Variants in CIBAR2 observed in about 807,000 individuals in gnomAD.
CIBAR2 encodes the protein CBY1-interacting BAR domain-containing protein 2.
CIBAR2 carries 38 observed loss-of-function variants against 36.2 expected under a neutral mutation model. That is an observed-to-expected ratio of 1.05 (90% CI 0.81 to 1.38). CIBAR2 has a LOEUF of 1.38. Ranked by LOEUF, CIBAR2 falls within the 40% of genes most tolerant of loss-of-function variation. The pLI, the probability that CIBAR2 is intolerant of heterozygous loss-of-function variation, is 0.00. For missense variants in CIBAR2, 481 were observed against 383.4 expected (o/e 1.25, Z -2.13); for synonymous variants, 182 against 149.5 (o/e 1.22, Z -1.58).
chr16:85,105,248 A>T, intron 6 of CIBAR2, 79 bp downstream of exon 6: 1 of 839,714 alleles, frequency 1.2e-6, no homozygotes, highest in Non-Finnish European at 2.0e-6. Context: ...AAGCATGCAC[A>T]CAGACACGTG....
intron 6 of CIBAR2, among the ~76,000 whole-genome samples, chr16:85,104,130 G>C (rs1174950413): frequency 1.3e-5 from 2 of 152,246 alleles, no homozygotes; most frequent in African/African-American, 2.4e-5. Context: ...GTATAAACAA[G>C]GGGCCTGACC....
rs1474207360 is a variant in CIBAR2, at chr16:85,098,926, C to G, written c.*259G>C. 1 of 353,164 alleles carries G rather than the reference C, an allele frequency of 2.8e-6. No individual in the cohort carries two copies. Among genetic ancestry groups the G allele is most frequent in the East Asian group, 7.1e-5 (1 of 14,150 alleles). 21.9% of individuals were successfully genotyped at this position (353,164 alleles called of 1,614,324 possible). On this transcript the variant is annotated 3_prime_UTR_variant, in exon 9 of 9. Transcript: ENST00000539556. ...ACCGCCGGGAGCAGTGGGCTCGGAC[C>G]AAGAAATAGATAGCATAAAGAAAAA...
chr16:85,105,566 T>G (rs1336236980), intron 5 of CIBAR2, 135 bp from the exon 6 acceptor site: 1 of 658,166 alleles, frequency 1.5e-6, no homozygotes, highest in Non-Finnish European at 2.6e-6. Flanking sequence ...TCTTGCTAAT[T>G]GGGTCATCAA....
At chr16:85,103,261 C>T (rs1314057122) in intron 6 of CIBAR2, among the ~76,000 whole-genome samples, 1 of 152,166 alleles carries the variant, frequency 6.6e-6, no homozygotes, top group Non-Finnish European at 1.5e-5. Flanking sequence ...CCATGGGGAA[C>T]AGGCCCTCCT....
At chr16:85,106,406 G>A (rs2073996193) in intron 5 of CIBAR2, among the ~76,000 whole-genome samples, 1 of 152,206 alleles carries the variant, frequency 6.6e-6, no homozygotes, top group Admixed American at 6.5e-5. Context: ...TAGGGTAGCA[G>A]GTGGAATGAA....
Position 85,100,076 on chromosome 16 carries a change from C to T in CIBAR2, c.753+63G>A, listed in dbSNP as rs2073943070. 16 of 1,300,716 alleles carry T rather than the reference C, an allele frequency of 1.2e-5. No individual in the cohort carries two copies. In the South Asian group the frequency reaches 1.9e-4, roughly 15 times the overall value. The allele number at this position is 1,300,716 out of a possible 1,614,324, so 80.6% of individuals were successfully genotyped here. A position where few individuals can be genotyped will look rare whatever the true frequency, so the allele number is the denominator to read the frequency against. Reference sequence around the variant, plus strand: ...CTCCTCTAATCCCTGGGGTTACTACCACGGGCCTTCCAGGCCGTGCACGAC... The same window carrying T: ...CTCCTCTAATCCCTGGGGTTACTACTACGGGCCTTCCAGGCCGTGCACGAC... On this transcript the variant is annotated intron_variant, in intron 8 of 8. Transcript: ENST00000539556.
chr16:85,104,244 G>A (rs34060650), intron 6 of CIBAR2, among the ~76,000 whole-genome samples: 4 of 152,146 alleles, frequency 2.6e-5, no homozygotes, highest in African/African-American at 4.8e-5. Flanking sequence ...AAAGGCCTCG[G>A]GTAGGAATGG....
Position 85,099,328 on chromosome 16 carries a change from G to C in CIBAR2, c.772C>G (p.Leu258Val), listed in dbSNP as rs1368355176. ...LASQGTLQVQ[L>V]SRANEDPEHP... Reference sequence around the variant, plus strand: ...TCAGGGTCTTCATTTGCCCTACTCAGCTGGACCTGCAGAGTTCCCTGCAGA... The same window carrying C: ...TCAGGGTCTTCATTTGCCCTACTCACCTGGACCTGCAGAGTTCCCTGCAGA... The change falls in exon 9 of 9, where the codon CTG becomes GTG. Residue 258 changes from leucine to valine, a missense_variant. Coordinates refer to ENST00000539556, the MANE Select transcript of CIBAR2 (RefSeq NM_198491.3). The C allele has an allele frequency of 6.3e-7, 1 of 1,587,228 alleles. No homozygotes were observed. Among genetic ancestry groups the C allele is most frequent in the East Asian group, 2.2e-5 (1 of 44,760 alleles).
In CIBAR2 at chr16:85,100,198, T is replaced by A. The variant is rs1185046932; in HGVS notation, c.694A>T (p.Thr232Ser). The change falls in exon 8 of 9, where the codon ACT becomes TCT. Residue 232 changes from threonine to serine, a missense_variant. By Grantham distance (58) the Thr-to-Ser change is moderately conservative. Coordinates refer to ENST00000539556, the MANE Select transcript of CIBAR2 (RefSeq NM_198491.3). The part of the protein sequence containing the change: ...KMQGVYGHYD[T>S]RLLANTSPPP... ...GGGCTGGTGTTGGCAAGCAGCCGAGTGTCATAATGCCCATAAACTCCTTGC... is the reference window on the plus strand; with the variant it reads ...GGGCTGGTGTTGGCAAGCAGCCGAGAGTCATAATGCCCATAAACTCCTTGC... 1 of 1,611,324 alleles carries A rather than the reference T, an allele frequency of 6.2e-7. No homozygotes were observed. Among genetic ancestry groups the A allele is most frequent in the Non-Finnish European group, 8.5e-7 (1 of 1,179,122 alleles).
chr16:85,110,155 C>G, intron 2 of CIBAR2, 71 bp downstream of exon 2: 2 of 1,226,232 alleles, frequency 1.6e-6, no homozygotes, highest in African/African-American at 3.0e-5. Flanking sequence ...CTCCTGCAGC[C>G]CTCAGGCCTG....
intron 1 of CIBAR2, among the ~76,000 whole-genome samples, chr16:85,112,012 A>G (rs2074046537): frequency 6.6e-6 from 1 of 152,000 alleles, no homozygotes; most frequent in Non-Finnish European, 1.5e-5. Context: ...CAGAAGGGGG[A>G]GGCCTGGTTG....
intron 7 of CIBAR2, 26 bp from the exon 8 acceptor site, chr16:85,100,266 G>C (rs3764278): frequency 0.19 from 293,681 of 1,508,022 alleles, 39,349 homozygotes; most frequent in African/African-American, 0.67. Flanking sequence ...CAGGGTGGGT[G>C]GGATCCGATG....
chr16:85,107,074 A>T (rs967922254), intron 5 of CIBAR2, among the ~76,000 whole-genome samples: 16 of 151,730 alleles, frequency 1.1e-4, no homozygotes, highest in Admixed American at 1.3e-4. Context: ...TGAACCCTGG[A>T]GGCGGAGGTT....
Position 85,108,099 on chromosome 16 carries a change from C to G in CIBAR2, c.256G>C (p.Val86Leu). Residue 86 changes from valine to leucine, a missense_variant and splice_region_variant, in exon 3 of 9, where the codon GTC becomes CTC. Physicochemically the swap from Val to Leu is conservative, Grantham distance 32. Coordinates refer to ENST00000539556, the MANE Select transcript of CIBAR2 (RefSeq NM_198491.3). ...ACCACCTTGGTCTCCAGCCTCTCGACCTGGGGGAGCGGGGACACCAGGGGA... is the reference window on the plus strand; with the variant it reads ...ACCACCTTGGTCTCCAGCCTCTCGAGCTGGGGGAGCGGGGACACCAGGGGA... Reference protein sequence around the residue: ...AKVQDYRQAQVERLETKVVNP... With the variant: ...AKVQDYRQAQLERLETKVVNP... The G allele has an allele frequency of 6.2e-7, 1 of 1,609,020 alleles. No individual in the cohort carries two copies. Among genetic ancestry groups the G allele is most frequent in the East Asian group, 2.2e-5 (1 of 44,818 alleles).
At chr16:85,107,546 C>G in intron 5 of CIBAR2, 121 bp downstream of exon 5, 1 of 1,127,368 alleles carries the variant, frequency 8.9e-7, no homozygotes, top group East Asian at 2.3e-5. Flanking sequence ...CTTTCCCAAC[C>G]TGAGCGCAAG....
At position 85,100,254 on chromosome 16, in the gene CIBAR2, A is replaced by G. The variant is rs544191027; in HGVS notation, c.652-14T>C. The G allele has an allele frequency of 3.2e-6, 5 of 1,568,508 alleles. No homozygotes were observed. The South Asian group carries it at 5.7e-5, about 18-fold the overall frequency. ...GGCTCTAAAATCCTGCCGGGGAGAG[A>G]CCAGGGTGGGTGGGATCCGATGGGA... On this transcript the variant is annotated splice_polypyrimidine_tract_variant and intron_variant, in intron 7 of 8. Coordinates refer to ENST00000539556, the MANE Select transcript of CIBAR2 (RefSeq NM_198491.3).
rs746265487 is a variant in CIBAR2 at position 85,112,335 on chromosome 16, G to A, written c.18C>T (p.Ser6=). Residue 6 remains serine (S), a splice_region_variant and synonymous_variant, in exon 1 of 9, where the codon TCC becomes TCT. Coordinates refer to ENST00000539556, the MANE Select transcript of CIBAR2 (RefSeq NM_198491.3). MNIVF[S]RDSQVRVMEN... ...CAGGCTGGCGCTGGCCCACTCACCT[G>A]GAGAAGACGATGTTCATTGTGACCA... is the stretch of plus-strand genomic sequence containing the variant. 2 of 1,614,010 alleles carry A rather than the reference G, an allele frequency of 1.2e-6. No individual in the cohort carries two copies. The highest frequency in any genetic ancestry group is 1.7e-6 in the Non-Finnish European group (2 of 1,179,972).
intron 8 of CIBAR2, 72 bp from the exon 9 acceptor site, chr16:85,099,418 A>C (rs986553518): frequency 2.3e-5 from 20 of 872,862 alleles, no homozygotes; most frequent in Non-Finnish European, 3.8e-5. Flanking sequence ...GTATGTACCT[A>C]ATCACCTCCC....
intron 5 of CIBAR2, among the ~76,000 whole-genome samples, chr16:85,106,962 A>G (rs960507564): frequency 6.6e-6 from 1 of 152,126 alleles, no homozygotes; most frequent in Non-Finnish European, 1.5e-5. Flanking sequence ...CCTGGCCAAC[A>G]TGGCAAAACC....
Sources: gnomAD v4.1 joint callset for allele counts (sites outside exome capture counted in the v4.1 genomes callset) on GRCh38, gnomAD v4.1.1 for gene constraint, MANE v1.5 for transcripts, NCBI Gene and HGNC (gene_info 2026-07-23, HGNC 2026-07-21) for gene names.